PDE7B: variants seen among roughly 807,000 people sequenced by gnomAD.
The protein encoded by PDE7B is phosphodiesterase 7B, also known as 3',5'-cyclic-AMP phosphodiesterase 7B.
PDE7B carries 29 observed loss-of-function variants against 56.2 expected under a neutral mutation model. The ratio of observed to expected loss-of-function variants is 0.52; its 90% CI spans 0.38 to 0.70. The LOEUF is 0.70. PDE7B is among the 30% of genes least tolerant of loss of function. The probability of loss-of-function intolerance (pLI) is 0.00; values close to 1 mark genes in which losing one functional copy is unlikely to be tolerated. For missense variants in PDE7B, 490 were observed against 565.0 expected (o/e 0.87, Z 1.35); for synonymous variants, 197 against 196.9 (o/e 1.00, Z 0.00).
At chr6:135,983,812 C>A (rs972986457) in intron 2 of PDE7B, among the ~76,000 whole-genome samples, 1 of 152,178 alleles carries the variant, frequency 6.6e-6, no homozygotes, top group Non-Finnish European at 1.5e-5. Context: ...GAAAATGCTA[C>A]AAGATTTTGT....
chr6:135,872,228 A>G (rs1404143206), intron 1 of PDE7B, among the ~76,000 whole-genome samples: 1 of 152,198 alleles, frequency 6.6e-6, no homozygotes, highest in African/African-American at 2.4e-5. Context: ...GCCTCCAGAA[A>G]GTAATCTAGA....
chr6:135,933,634 GT>G (rs1218240803), intron 1 of PDE7B, among the ~76,000 whole-genome samples: 1 of 152,196 alleles, frequency 6.6e-6, no homozygotes, highest in African/African-American at 2.4e-5. Flanking sequence ...AGAGATAACA[GT>G]TATAAATTAC....
chr6:135,920,653 C>T (rs1774057792), intron 1 of PDE7B, among the ~76,000 whole-genome samples: 1 of 152,182 alleles, frequency 6.6e-6, no homozygotes, highest in Non-Finnish European at 1.5e-5. Flanking sequence ...AAGTTATCAA[C>T]CCACAGAAAA....
chr6:136,186,098 T>G (rs534515895), intron 11 of PDE7B, among the ~76,000 whole-genome samples: 3 of 151,952 alleles, frequency 2.0e-5, no homozygotes, highest in East Asian at 3.9e-4. Context: ...TGCACCAGCC[T>G]GATAGCTGAC....
At chr6:136,182,315 G>T (rs1779079139) in intron 11 of PDE7B, among the ~76,000 whole-genome samples, 1 of 152,136 alleles carries the variant, frequency 6.6e-6, no homozygotes, top group Admixed American at 6.5e-5. Context: ...CACTTGAATT[G>T]AGTAAAAGTG....
chr6:136,151,805 G>T (rs1278565851), intron 6 of PDE7B, among the ~76,000 whole-genome samples: 3 of 56,782 alleles, frequency 5.3e-5, no homozygotes, highest in African/African-American at 8.5e-5. Flanking sequence ...CAGGCTTGTT[G>T]GCAGGTGCCT....
intron 2 of PDE7B, 141 bp downstream of exon 2, chr6:135,947,665 C>A (rs925143811): frequency 9.3e-6 from 6 of 645,102 alleles, no homozygotes; most frequent in Non-Finnish European, 1.4e-5. Flanking sequence ...AGCTATAACA[C>A]ATTTATATGT....
At chr6:135,943,254 G>A (rs62429920) in intron 1 of PDE7B, among the ~76,000 whole-genome samples, 1,577 of 152,254 alleles carry the variant, frequency 0.01, 15 homozygotes, top group South Asian at 0.019. Flanking sequence ...ATACTGTGAT[G>A]TAGATTATAT....
chr6:136,179,897 C>T (rs1207367768), intron 10 of PDE7B, among the ~76,000 whole-genome samples: 1 of 152,210 alleles, frequency 6.6e-6, no homozygotes, highest in East Asian at 1.9e-4. Flanking sequence ...TTCTGTTTTA[C>T]TCCACGGCAA....
In PDE7B at chr6:136,146,450, G is replaced by A. The variant is rs186578642; in HGVS notation, c.167-901G>A. Reference sequence around the variant, plus strand: ...TAAAATATCTCTACTGGCAAGATTAGATTTTTATGGCAACCAGTAAGAGAG... The same window carrying A: ...TAAAATATCTCTACTGGCAAGATTAAATTTTTATGGCAACCAGTAAGAGAG... On this transcript the variant is annotated intron_variant, in intron 3 of 12. Coordinates refer to ENST00000308191, the MANE Select transcript of PDE7B (RefSeq NM_018945.4). Among the ~76,000 whole-genome samples the A allele has an allele frequency of 4.0e-4, 61 of 152,292 alleles. 1 individual carries two copies. The highest frequency in any genetic ancestry group is 1.4e-3 in the African/African-American group (60 of 41,564).
At chr6:136,168,572 C>A (rs916119668) in intron 8 of PDE7B, among the ~76,000 whole-genome samples, 2 of 152,084 alleles carry the variant, frequency 1.3e-5, no homozygotes, top group Non-Finnish European at 2.9e-5. Flanking sequence ...CACATTCTGG[C>A]AGCTGTAAGG....
chr6:136,011,965 T>C (rs12174235), intron 2 of PDE7B, among the ~76,000 whole-genome samples: 49,294 of 152,142 alleles, frequency 0.32, 8,268 homozygotes, highest in Non-Finnish European at 0.37. Flanking sequence ...GTTTTGTTTA[T>C]GTCTTTCTCA....
At chr6:135,901,883 C>T (rs1776007340) in intron 1 of PDE7B, among the ~76,000 whole-genome samples, 1 of 152,108 alleles carries the variant, frequency 6.6e-6, no homozygotes, top group Non-Finnish European at 1.5e-5. Flanking sequence ...CTGAGCTGAG[C>T]AATGAAATAG....
chr6:136,096,350 G>C (rs1323073890), intron 2 of PDE7B: 1 of 152,084 alleles, frequency 6.6e-6, no homozygotes, highest in Non-Finnish European at 1.5e-5. Context: ...ACATAAAAAT[G>C]CTTCTCTCAA....
intron 2 of PDE7B, among the ~76,000 whole-genome samples, chr6:135,984,096 A>C (rs747038640): frequency 1.2e-4 from 18 of 152,214 alleles, no homozygotes; most frequent in Non-Finnish European, 2.2e-4. Flanking sequence ...TCCACCTATT[A>C]GACCAGCTGG....
intron 3 of PDE7B, among the ~76,000 whole-genome samples, chr6:136,142,422 G>A (rs967602815): frequency 1.3e-5 from 2 of 152,184 alleles, no homozygotes; most frequent in African/African-American, 4.8e-5. Context: ...TGAGAAGAAT[G>A]TATATTCTGT....
At chr6:135,937,293 C>T (rs573252508) in intron 1 of PDE7B, among the ~76,000 whole-genome samples, 2 of 152,158 alleles carry the variant, frequency 1.3e-5, no homozygotes, top group Admixed American at 6.5e-5. Context: ...TCCAGATCCA[C>T]GGCCTGCAGC....
chr6:135,895,488 T>A (rs1775884277), intron 1 of PDE7B, among the ~76,000 whole-genome samples: 1 of 152,036 alleles, frequency 6.6e-6, no homozygotes, highest in Non-Finnish European at 1.5e-5. Context: ...GGTCTACGAG[T>A]AATTCAGTAA....
intron 1 of PDE7B, among the ~76,000 whole-genome samples, chr6:135,894,544 C>G (rs2327669): frequency 0.72 from 109,231 of 151,944 alleles, 39,944 homozygotes; most frequent in African/African-American, 0.86. Flanking sequence ...TGTTCTAAGA[C>G]AGAAACATGA....
Sources: allele counts gnomAD v4.1 joint callset (sites outside exome capture counted in the v4.1 genomes callset), GRCh38; gene constraint gnomAD v4.1.1; transcripts MANE v1.5; gene names NCBI Gene and HGNC (gene_info 2026-07-23, HGNC 2026-07-21).